The following PAX5 variants were observed in gnomAD, a reference collection of about 807,000 sequenced individuals.
PAX5 encodes paired box protein Pax-5.
Under a neutral mutation model 43.7 loss-of-function variants are expected in PAX5, and 9 were observed. That is an observed-to-expected ratio of 0.21 (90% confidence interval 0.12 to 0.36). The LOEUF (loss-of-function observed/expected upper bound fraction) is 0.36. Among genes scored for constraint, PAX5 ranks in the 10% least tolerant of loss-of-function variants. PAX5 has a pLI of 1.00. For synonymous variants in PAX5, 228 were observed against 214.3 expected (o/e 1.06, Z -0.56); for missense variants, 383 against 532.7 (o/e 0.72, Z 2.77).
At chr9:36,891,840 T>C (rs1827416394) in intron 7 of PAX5, among the ~76,000 whole-genome samples, 1 of 152,350 alleles carries the variant, frequency 6.6e-6, no homozygotes, top group Middle Eastern at 3.4e-3. Context: ...TCTGGATTTG[T>C]AGAGCCAGGA....
At chr9:36,891,493 G>C (rs1245387820) in intron 7 of PAX5, among the ~76,000 whole-genome samples, 2 of 152,248 alleles carry the variant, frequency 1.3e-5, no homozygotes, top group Non-Finnish European at 2.9e-5. Flanking sequence ...TTGCTCTGGA[G>C]TCTCCCTTTG....
At chr9:36,935,831 A>G (rs1276486828) in intron 6 of PAX5, among the ~76,000 whole-genome samples, 6 of 152,220 alleles carry the variant, frequency 3.9e-5, no homozygotes, top group Non-Finnish European at 7.3e-5. Flanking sequence ...TGGTCTCCCT[A>G]CATTGGTCCT....
intron 6 of PAX5, among the ~76,000 whole-genome samples, chr9:36,937,458 A>G (rs1831651740): frequency 6.6e-6 from 1 of 152,194 alleles, no homozygotes; most frequent in African/African-American, 2.4e-5. Context: ...TAAGTTGCAG[A>G]GCCGGGGGTT....
chr9:36,852,263 G>A (rs751326976), intron 8 of PAX5, among the ~76,000 whole-genome samples: 1 of 152,186 alleles, frequency 6.6e-6, no homozygotes, highest in South Asian at 2.1e-4. Context: ...CTGGGCAGGT[G>A]GGAAGAGGAA....
In PAX5 at chr9:36,943,529, T is replaced by TACACACACAC. The variant is rs1554668821; in HGVS notation, c.781-20055_781-20046dup. On this transcript the variant is annotated intron_variant, in intron 6 of 9. Coordinates refer to ENST00000358127, the MANE Select transcript of PAX5 (RefSeq NM_016734.3). The stretch of plus-strand genomic sequence containing the variant: ...TGAGTATTTGTGGATTAGTTCAACA[T>TACACACACAC]ACACACACACACACACACACACACA... Among the ~76,000 whole-genome samples the TACACACACAC allele has an allele frequency of 1.0e-3, 147 of 146,006 alleles. 1 individual carries two copies. The highest frequency in any genetic ancestry group is 1.5e-3 in the East Asian group (7 of 4,784).
At chr9:36,873,951 G>C (rs150905906) in intron 8 of PAX5, among the ~76,000 whole-genome samples, 1 of 152,318 alleles carries the variant, frequency 6.6e-6, no homozygotes, top group African/African-American at 2.4e-5. Flanking sequence ...TGACATGTCA[G>C]ATGGCACAGA....
At position 36,866,447 on chromosome 9, in the gene PAX5, G is replaced by C. The variant is rs147745503; in HGVS notation, c.1012+15557C>G. Among the ~76,000 whole-genome samples, 481 of 152,298 alleles carry C rather than the reference G, an allele frequency of 3.2e-3. 5 individuals carry two copies. Among genetic ancestry groups the C allele is most frequent in the African/African-American group, 9.7e-3 (405 of 41,556 alleles). On this transcript the variant is annotated intron_variant, in intron 8 of 9. Transcript: ENST00000358127. ...CCCACCGTTGCCTGGATCCACTGAGGCACAGAAGCCTGAGACTTAAGAGAA... is the reference window on the plus strand; with the variant it reads ...CCCACCGTTGCCTGGATCCACTGAGCCACAGAAGCCTGAGACTTAAGAGAA...
chr9:36,842,691 T>A (rs576843363), intron 9 of PAX5, among the ~76,000 whole-genome samples: 10 of 152,318 alleles, frequency 6.6e-5, no homozygotes, highest in Admixed American at 2.6e-4. Context: ...CATTCCCGGT[T>A]CTGCTTTCTC....
intron 6 of PAX5, among the ~76,000 whole-genome samples, chr9:36,925,862 C>G (rs1422795147): frequency 6.6e-6 from 1 of 152,152 alleles, no homozygotes; most frequent in East Asian, 1.9e-4. Context: ...GCCTCCTCCT[C>G]CAAGAAGTCT....
Position 36,914,078 on chromosome 9 carries a change from C to T in PAX5, c.910+9277G>A, listed in dbSNP as rs536783285. Reference sequence around the variant, plus strand: ...AGGGCGTTTTGAAAATCCATGGGGGCTTCTCCCTGCCTGAGGGGTGTTACT... The same window carrying T: ...AGGGCGTTTTGAAAATCCATGGGGGTTTCTCCCTGCCTGAGGGGTGTTACT... On this transcript the variant is annotated intron_variant, in intron 7 of 9. Transcript: ENST00000358127. Among the ~76,000 whole-genome samples the T allele has an allele frequency of 7.2e-5, 11 of 152,296 alleles. No individual in the cohort carries two copies. In the East Asian group the frequency reaches 1.7e-3, roughly 24 times the overall value.
At chr9:36,987,628 G>A (rs1040103987) in intron 5 of PAX5, among the ~76,000 whole-genome samples, 1 of 152,238 alleles carries the variant, frequency 6.6e-6, no homozygotes, top group African/African-American at 2.4e-5. Flanking sequence ...TCAGGCACAG[G>A]CTCTGCTCGT....
intron 6 of PAX5, among the ~76,000 whole-genome samples, chr9:36,962,976 C>A (rs1013397242): frequency 9.2e-5 from 14 of 152,242 alleles, no homozygotes; most frequent in Non-Finnish European, 2.1e-4. Flanking sequence ...GCTCAAGGAA[C>A]CTGTACCCTT....
At chr9:36,899,152 T>A in intron 7 of PAX5, among the ~76,000 whole-genome samples, 1 of 152,084 alleles carries the variant, frequency 6.6e-6, no homozygotes. Flanking sequence ...CCTTAGCAAA[T>A]GTTGCCGCAG....
intron 5 of PAX5, among the ~76,000 whole-genome samples, chr9:36,989,058 G>A (rs1344567382): frequency 2.0e-5 from 3 of 152,184 alleles, no homozygotes; most frequent in African/African-American, 7.2e-5. Flanking sequence ...AGCCGGCTGC[G>A]CTTGAAGGTG....
chr9:36,941,001 C>T (rs572841608), intron 6 of PAX5, among the ~76,000 whole-genome samples: 42 of 152,242 alleles, frequency 2.8e-4, no homozygotes, highest in African/African-American at 1.0e-3. Context: ...CAGGAACAGG[C>T]CCAGAAGCAC....
At chr9:36,960,379 A>G in intron 6 of PAX5, among the ~76,000 whole-genome samples, 1 of 152,146 alleles carries the variant, frequency 6.6e-6, no homozygotes, top group East Asian at 1.9e-4. Flanking sequence ...CCCCTTGGAC[A>G]CAGGAGCAGC....
intron 6 of PAX5, among the ~76,000 whole-genome samples, chr9:36,954,184 G>A (rs1833252152): frequency 6.6e-6 from 1 of 151,576 alleles, no homozygotes; most frequent in African/African-American, 2.4e-5. Context: ...GTTGAAAGTT[G>A]TACATGATAC....
chr9:36,870,801 G>A (rs1479111625), intron 8 of PAX5, among the ~76,000 whole-genome samples: 2 of 152,188 alleles, frequency 1.3e-5, no homozygotes, highest in African/African-American at 2.4e-5. Context: ...AGGTAGAGAC[G>A]CACTCGTAAA....
chr9:36,862,858 G>A (rs965606884), intron 8 of PAX5, among the ~76,000 whole-genome samples: 5 of 152,126 alleles, frequency 3.3e-5, no homozygotes, highest in South Asian at 4.1e-4. Context: ...GGTCTCTTTC[G>A]CCTCTCCATT....
Sources: allele counts gnomAD v4.1 joint callset (sites outside exome capture counted in the v4.1 genomes callset), GRCh38; gene constraint gnomAD v4.1.1; transcripts MANE v1.5; gene names NCBI Gene and HGNC (gene_info 2026-07-23, HGNC 2026-07-21).